PRR16: variants seen among roughly 807,000 people sequenced by gnomAD.
The protein encoded by PRR16 is proline rich 16, also known as protein Largen.
In PRR16, 6 loss-of-function variants were observed where a neutral mutation model predicts 18.2. The observed-to-expected ratio is 0.33, with a 90% CI of 0.18 to 0.65. PRR16 has a LOEUF of 0.65. Among genes scored for constraint, PRR16 ranks in the 30% least tolerant of loss-of-function variants. PRR16 has a pLI of 0.74. For synonymous variants in PRR16, 151 were observed against 147.8 expected (o/e 1.02, Z -0.16); for missense variants, 412 against 376.6 (o/e 1.09, Z -0.78).
the PRR16 span, among the ~76,000 whole-genome samples, chr5:120,789,352 C>A: frequency 3.3e-5 from 5 of 151,764 alleles, no homozygotes; most frequent in Non-Finnish European, 7.4e-5. Flanking sequence ...TTTTTGTTTT[C>A]CAAAAAATCA....
chr5:120,467,510 T>A (rs1749141588), intron 1 of PRR16, among the ~76,000 whole-genome samples: 1 of 152,134 alleles, frequency 6.6e-6, no homozygotes, highest in African/African-American at 2.4e-5. Context: ...TGGTTTGAGG[T>A]TACTCTGAAA....
At chr5:120,603,200 T>C (rs1754043519) in intron 1 of PRR16, among the ~76,000 whole-genome samples, 1 of 152,134 alleles carries the variant, frequency 6.6e-6, no homozygotes, top group Non-Finnish European at 1.5e-5. Context: ...CCAGGACATT[T>C]CCTGGTTGGT....
chr5:120,696,804 ATG>A, the PRR16 span, among the ~76,000 whole-genome samples: 18 of 152,188 alleles, frequency 1.2e-4, no homozygotes, highest in Non-Finnish European at 1.6e-4. Context: ...ACAGAAAAAT[ATG>A]TGTGTGAAGT....
the PRR16 span, among the ~76,000 whole-genome samples, chr5:120,759,822 G>T: frequency 6.6e-6 from 1 of 152,058 alleles, no homozygotes; most frequent in Non-Finnish European, 1.5e-5. Flanking sequence ...GAGTCTTGAA[G>T]TCTAAAGACA....
chr5:120,582,094 G>GTA (rs1753291202), intron 1 of PRR16, among the ~76,000 whole-genome samples: 1 of 152,050 alleles, frequency 6.6e-6, no homozygotes, highest in Non-Finnish European at 1.5e-5. Flanking sequence ...AGAAAATGTG[G>GTA]TATATATAAA....
chr5:120,559,392 A>G (rs982816639), intron 1 of PRR16, among the ~76,000 whole-genome samples: 10 of 151,760 alleles, frequency 6.6e-5, no homozygotes, highest in Non-Finnish European at 1.5e-4. Context: ...AGTACCACTT[A>G]TTGAAGATTT....
chr5:120,550,724 C>T (rs1266433086), intron 1 of PRR16, among the ~76,000 whole-genome samples: 1 of 151,976 alleles, frequency 6.6e-6, no homozygotes, highest in East Asian at 1.9e-4. Flanking sequence ...GCCATTTCCA[C>T]CATTATTTTG....
chr5:120,595,292 G>A (rs959177774), intron 1 of PRR16, among the ~76,000 whole-genome samples: 2 of 151,780 alleles, frequency 1.3e-5, no homozygotes, highest in African/African-American at 4.8e-5. Context: ...TGAATAGACA[G>A]TATATAGACA....
At chr5:120,730,031 A>G in the PRR16 span, among the ~76,000 whole-genome samples, 4 of 152,076 alleles carry the variant, frequency 2.6e-5, no homozygotes, top group Non-Finnish European at 5.9e-5. Context: ...TCTCTCCCCT[A>G]ATCCCAGTAT....
At chr5:120,466,289 C>T (rs1749077600) in intron 1 of PRR16, among the ~76,000 whole-genome samples, 2 of 152,108 alleles carry the variant, frequency 1.3e-5, no homozygotes, top group South Asian at 4.1e-4. Context: ...TCATCTGAAA[C>T]ATGGCGTTTT....
chr5:120,509,564 A>C (rs1278460731), intron 1 of PRR16, among the ~76,000 whole-genome samples: 1 of 152,070 alleles, frequency 6.6e-6, no homozygotes, highest in African/African-American at 2.4e-5. Flanking sequence ...TTCATTTCTC[A>C]TAGTTAAATG....
chr5:120,754,401 T>TAGTATATATTATATAATA, the PRR16 span, among the ~76,000 whole-genome samples: 9 of 67,212 alleles, frequency 1.3e-4, no homozygotes, highest in Non-Finnish European at 1.8e-4. Context: ...ATGTTATATA[T>TAGTATATATTATATAATA]TATACTATAT....
chr5:120,504,921 T>A (rs1476763542), intron 1 of PRR16, among the ~76,000 whole-genome samples: 1 of 152,026 alleles, frequency 6.6e-6, no homozygotes, highest in Admixed American at 6.6e-5. Flanking sequence ...AGGATTTGAT[T>A]GCAGAAACTC....
intron 1 of PRR16, among the ~76,000 whole-genome samples, chr5:120,671,081 C>CT (rs1333734401): frequency 6.6e-6 from 1 of 151,974 alleles, no homozygotes; most frequent in Non-Finnish European, 1.5e-5. Context: ...TCTAGCTTGC[C>CT]TGCTTATTTA....
chr5:120,464,948 T>C (rs1350098702), intron 1 of PRR16, among the ~76,000 whole-genome samples: 5 of 152,002 alleles, frequency 3.3e-5, no homozygotes, highest in Non-Finnish European at 7.4e-5. Context: ...GAGGGTTAGC[T>C]GGGGGTGTGT....
At chr5:120,511,822 G>A (rs942864283) in intron 1 of PRR16, among the ~76,000 whole-genome samples, 5 of 152,158 alleles carry the variant, frequency 3.3e-5, no homozygotes, top group African/African-American at 1.2e-4. Context: ...ACAAGACAAA[G>A]AGAAACCTGG....
intron 1 of PRR16, 51 bp downstream of exon 1, chr5:120,464,696 G>A: frequency 6.8e-7 from 1 of 1,459,996 alleles, no homozygotes; most frequent in Non-Finnish European, 9.1e-7. Context: ...GACCCCTCCG[G>A]GGTCCCCTTT....
At chr5:120,506,399 G>C (rs1308637290) in intron 1 of PRR16, among the ~76,000 whole-genome samples, 2 of 152,004 alleles carry the variant, frequency 1.3e-5, no homozygotes, top group Admixed American at 1.3e-4. Flanking sequence ...ATCTGTTAGA[G>C]ATATGGCCTG....
At chr5:120,466,939 T>G (rs1436544570) in intron 1 of PRR16, among the ~76,000 whole-genome samples, 1 of 152,218 alleles carries the variant, frequency 6.6e-6, no homozygotes, top group East Asian at 1.9e-4. Flanking sequence ...CACAAGAAAA[T>G]GTACCTACAA....
Sources: allele counts gnomAD v4.1 joint callset (sites outside exome capture counted in the v4.1 genomes callset), GRCh38; gene constraint gnomAD v4.1.1; transcripts MANE v1.5; gene names NCBI Gene and HGNC (gene_info 2026-07-23, HGNC 2026-07-21).